The following ARPC4 variants were observed in gnomAD, a reference collection of about 807,000 sequenced individuals.
ARPC4 encodes the protein actin related protein 2/3 complex subunit 4, also known as actin-related protein 2/3 complex subunit 4.
Under a neutral mutation model 22.8 loss-of-function variants are expected in ARPC4, and 3 were observed. The ratio of observed to expected loss-of-function variants is 0.13; its 90% CI spans 0.06 to 0.34. ARPC4 has a LOEUF of 0.34. Among genes scored for constraint, ARPC4 ranks in the 10% least tolerant of loss-of-function variants. The pLI is 1.00. For missense variants in ARPC4, 98 were observed against 211.0 expected (o/e 0.46, Z 3.32); for synonymous variants, 80 against 72.5 (o/e 1.10, Z -0.52).
intron 1 of ARPC4, among the ~76,000 whole-genome samples, chr3:9,794,165 C>A (rs531709430): frequency 1.3e-5 from 2 of 152,190 alleles, no homozygotes; most frequent in Admixed American, 6.5e-5. Flanking sequence ...AAAGGACAGG[C>A]GTCACGGAGC....
At chr3:9,793,025 C>T, upstream of ARPC4, 4 of 1,534,980 alleles carry the variant, frequency 2.6e-6, no homozygotes, top group Non-Finnish European at 3.5e-6. Context: ...GTCCGGAAGT[C>T]CGGGCGGAGA....
chr3:9,803,854 C>T lies in ARPC4; in HGVS notation c.342C>T (p.Ile114=). ...GTCTTCTTCCCTAGGGGTATGATAT[C>T]AGCTTTCTGATCACCAACTTCCACA... is the stretch of plus-strand genomic sequence containing the variant. ...LRRKPVEGYD[I]SFLITNFHTE... The change falls in exon 5 of 6, where the codon ATC becomes ATT. Residue 114 remains isoleucine (I), a synonymous_variant. Coordinates refer to ENST00000397261, the MANE Select transcript of ARPC4 (RefSeq NM_005718.5). 1.2e-6 allele frequency: 2 copies of T among 1,614,034 alleles called. No homozygotes were observed. The highest frequency in any genetic ancestry group is 1.7e-6 in the Non-Finnish European group (2 of 1,179,912).
At chr3:9,805,939 C>A (rs2079098228) in intron 5 of ARPC4, among the ~76,000 whole-genome samples, 1 of 152,256 alleles carries the variant, frequency 6.6e-6, no homozygotes, top group African/African-American at 2.4e-5. Flanking sequence ...TTTCTAGCAG[C>A]CTCCATGCCA....
chr3:9,800,647 T>A (rs1288338645), intron 3 of ARPC4, among the ~76,000 whole-genome samples: 2 of 151,906 alleles, frequency 1.3e-5, no homozygotes, highest in Admixed American at 6.6e-5. Context: ...ATGGTCTCCA[T>A]CTCCTGACCG....
chr3:9,806,300 C>A lies in ARPC4; in HGVS notation c.*85C>A. On this transcript the variant is annotated 3_prime_UTR_variant, in exon 6 of 6. Coordinates refer to ENST00000397261, the MANE Select transcript of ARPC4 (RefSeq NM_005718.5). ...TCCTGGAGTCACTCCCCGAGCAGCG[C>A]GGCGGCGGCAGGGAGTTGGGTTGGG... 6.7e-7 allele frequency: 1 copy of A among 1,500,564 alleles called. No individual in the cohort carries two copies. The highest frequency in any genetic ancestry group is 1.1e-5 in the South Asian group (1 of 88,790). The allele number at this position is 1,500,564 out of a possible 1,614,324, so 93.0% of individuals were successfully genotyped here.
chr3:9,792,791 C>CA (rs2078773954), upstream of ARPC4: 32 of 1,262,022 alleles, frequency 2.5e-5, no homozygotes, highest in South Asian at 8.4e-4. Flanking sequence ...ATTTGGTGCC[C>CA]AATCTGAAGC....
chr3:9,795,582 A>G (rs1196146891), intron 1 of ARPC4, among the ~76,000 whole-genome samples: 1 of 152,126 alleles, frequency 6.6e-6, no homozygotes, highest in East Asian at 1.9e-4. Flanking sequence ...CTTCTCATAT[A>G]CAGAAACATT....
chr3:9,798,846 C>T (rs539738496), intron 2 of ARPC4, among the ~76,000 whole-genome samples: 1 of 151,940 alleles, frequency 6.6e-6, no homozygotes, highest in Non-Finnish European at 1.5e-5. Context: ...CGCACTCCAG[C>T]CTGGCAGCAG....
intron 1 of ARPC4, 38 bp downstream of exon 1, chr3:9,793,162 G>T: frequency 1.3e-6 from 2 of 1,535,640 alleles, no homozygotes; most frequent in East Asian, 2.5e-5. Flanking sequence ...ACCCCCGGCT[G>T]TTCGGCCTCA....
In ARPC4 at chr3:9,806,479, T is replaced by A. The variant is rs1198950037; in HGVS notation, c.*264T>A. On this transcript the variant is annotated 3_prime_UTR_variant, in exon 6 of 6. Transcript: ENST00000397261. ...AGATTTTTTTTAACGTCTTGAAACTTAAACTCTGTGCTTGTAGGATACTGT... is the reference window on the plus strand; with the variant it reads ...AGATTTTTTTTAACGTCTTGAAACTAAAACTCTGTGCTTGTAGGATACTGT... 3.5e-6 allele frequency: 2 copies of A among 572,972 alleles called. No individual in the cohort carries two copies. Among genetic ancestry groups the A allele is most frequent in the African/African-American group, 3.8e-5 (2 of 52,760 alleles). The allele number at this position is 572,972 out of a possible 1,614,324, so 35.5% of individuals were successfully genotyped here. A position where few individuals can be genotyped will look rare whatever the true frequency, so the allele number is the denominator to read the frequency against.
chr3:9,793,644 G>A (rs1018923215), intron 1 of ARPC4, among the ~76,000 whole-genome samples: 1 of 152,160 alleles, frequency 6.6e-6, no homozygotes, highest in South Asian at 2.1e-4. Flanking sequence ...TTCCATTCAG[G>A]CCCTTCCTGG....
At chr3:9,800,624 C>G (rs1212406511) in intron 3 of ARPC4, among the ~76,000 whole-genome samples, 1 of 152,058 alleles carries the variant, frequency 6.6e-6, no homozygotes, top group East Asian at 1.9e-4. Context: ...AGAGTTTCAC[C>G]ATGTTTGCCA....
In ARPC4 at chr3:9,793,108, A is replaced by G; in HGVS notation, c.-14A>G. 6.5e-7 allele frequency: 1 copy of G among 1,544,286 alleles called. No homozygotes were observed. The highest frequency in any genetic ancestry group is 8.7e-7 in the Non-Finnish European group (1 of 1,144,270). ...CTTCCGTACTTCCGCTTTCCGGCCC[A>G]GCCAGCGCCCGCGATGGTGAGAGAG... On this transcript the variant is annotated 5_prime_UTR_variant, in exon 1 of 6. Coordinates refer to ENST00000397261, the MANE Select transcript of ARPC4 (RefSeq NM_005718.5).
At chr3:9,792,796 T>G (rs924653226), upstream of ARPC4, 11 of 1,265,418 alleles carry the variant, frequency 8.7e-6, no homozygotes, top group Admixed American at 4.0e-5. Context: ...GTGCCCAATC[T>G]GAAGCTGGGC....
chr3:9,793,319 G>C (rs2078796827), intron 1 of ARPC4, 195 bp downstream of exon 1: 1 of 1,124,942 alleles, frequency 8.9e-7, no homozygotes, highest in East Asian at 2.8e-5. Flanking sequence ...GTACTCCCTG[G>C]TATGAAGTGG....
At chr3:9,793,076 C>T, upstream of ARPC4, 1 of 1,545,662 alleles carries the variant, frequency 6.5e-7, no homozygotes, top group Non-Finnish European at 8.7e-7. Flanking sequence ...CATCGCGGGG[C>T]TGGCCACTTC....
chr3:9,801,689 A>C lies in ARPC4; in HGVS notation c.263A>C (p.His88Pro). The change falls in exon 4 of 6, where the codon CAC becomes CCC. Residue 88 changes from histidine to proline, a missense_variant. Physicochemically the swap from His to Pro is moderately conservative, Grantham distance 77 (BLOSUM62 -2). Transcript: ENST00000397261. ...GATGAGATCGAGAAGATTTTGTGCC[A>C]CAAGTTCATGCGCTTCATGATGATG... ...QADEIEKILC[H>P]KFMRFMMMRA... 6.2e-7 allele frequency: 1 copy of C among 1,609,892 alleles called. No individual in the cohort carries two copies. The highest frequency in any genetic ancestry group is 2.2e-5 in the East Asian group (1 of 44,868).
At chr3:9,801,503 T>C (rs1348923799) in intron 3 of ARPC4, among the ~76,000 whole-genome samples, 158 bp from the exon 4 acceptor site, 1 of 152,176 alleles carries the variant, frequency 6.6e-6, no homozygotes, top group East Asian at 1.9e-4. Flanking sequence ...CTTGTTTCAG[T>C]TGACAGCCAG....
At chr3:9,804,512 G>A (rs1021443255) in intron 5 of ARPC4, among the ~76,000 whole-genome samples, 1 of 152,180 alleles carries the variant, frequency 6.6e-6, no homozygotes, top group Non-Finnish European at 1.5e-5. Context: ...CTCTTACGTT[G>A]TTTATGTCTT....
Sources: gnomAD v4.1 joint callset for allele counts (sites outside exome capture counted in the v4.1 genomes callset) on GRCh38, gnomAD v4.1.1 for gene constraint, MANE v1.5 for transcripts, NCBI Gene and HGNC (gene_info 2026-07-23, HGNC 2026-07-21) for gene names.